STRN3: variants seen among roughly 807,000 people sequenced by gnomAD.
STRN3 encodes the protein striatin 3, also known as striatin-3.
STRN3 carries 29 observed loss-of-function variants against 95.6 expected under a neutral mutation model. That is an observed-to-expected ratio of 0.30 (90% CI 0.23 to 0.41). The LOEUF (loss-of-function observed/expected upper bound fraction) is 0.41. Ranked by LOEUF, STRN3 falls within the 10% of genes least tolerant of loss-of-function variation. The pLI is 1.00. For missense variants in STRN3, 890 were observed against 972.1 expected, an observed-to-expected ratio of 0.92 and a Z score of 1.12; for synonymous variants, 331 against 357.6, an observed-to-expected ratio of 0.93 and a Z score of 0.84.
intron 7 of STRN3, among the ~76,000 whole-genome samples, chr14:30,929,632 A>G (rs1277757091): frequency 1.3e-5 from 2 of 152,126 alleles, no homozygotes; most frequent in Non-Finnish European, 2.9e-5. Flanking sequence ...CTTTATAAAA[A>G]TGTTAATAAA....
intron 10 of STRN3, 33 bp from the exon 11 acceptor site, chr14:30,912,215 A>T (rs777203528): frequency 6.3e-7 from 1 of 1,597,486 alleles, no homozygotes; most frequent in Admixed American, 1.7e-5. Context: ...TTAGTGGTAA[A>T]AGTAGTAAAC....
intron 8 of STRN3, among the ~76,000 whole-genome samples, chr14:30,923,290 T>A (rs1207624248): frequency 2.6e-5 from 4 of 152,166 alleles, no homozygotes; most frequent in Admixed American, 6.5e-5. Context: ...GGATCTGGAA[T>A]AGTAAATGAC....
chr14:30,975,586 GAAAGA>G (rs979938996), intron 1 of STRN3, among the ~76,000 whole-genome samples: 6 of 144,666 alleles, frequency 4.1e-5, no homozygotes, highest in South Asian at 2.3e-4. Flanking sequence ...ACGAAAGAAA[GAAAGA>G]AAAGAAAAGA....
intron 1 of STRN3, among the ~76,000 whole-genome samples, chr14:30,996,865 C>CAA (rs1239205843): frequency 7.8e-6 from 1 of 128,110 alleles, no homozygotes. Context: ...GACTCCATCT[C>CAA]AAAAAAAAAA....
At chr14:31,017,760 G>A (rs139858488) in intron 1 of STRN3, among the ~76,000 whole-genome samples, 47 of 152,152 alleles carry the variant, frequency 3.1e-4, no homozygotes, top group African/African-American at 1.1e-3. Flanking sequence ...GGCAGTGAGT[G>A]TATACACACA....
chr14:30,940,304 G>C (rs1447047126), intron 5 of STRN3, among the ~76,000 whole-genome samples: 2 of 151,696 alleles, frequency 1.3e-5, no homozygotes, highest in Non-Finnish European at 2.9e-5. Context: ...CTTCCTTCTT[G>C]ACTTAGTCTC....
intron 1 of STRN3, among the ~76,000 whole-genome samples, chr14:30,956,479 C>T (rs1879910827): frequency 6.6e-6 from 1 of 152,064 alleles, no homozygotes; most frequent in South Asian, 2.1e-4. Flanking sequence ...ATAGTGAGAC[C>T]TCATCTCTAC....
intron 1 of STRN3, among the ~76,000 whole-genome samples, chr14:31,016,340 A>T (rs1363357486): frequency 1.3e-5 from 2 of 152,176 alleles, no homozygotes; most frequent in Non-Finnish European, 2.9e-5. Context: ...ACTGTAGCAC[A>T]TCCATAAATG....
chr14:30,981,360 C>A (rs1881389402), intron 1 of STRN3, among the ~76,000 whole-genome samples: 1 of 152,024 alleles, frequency 6.6e-6, no homozygotes, highest in African/African-American at 2.4e-5. Context: ...TGTTGGCACC[C>A]ACACCTGTTA....
intron 3 of STRN3, among the ~76,000 whole-genome samples, chr14:30,952,968 A>T (rs1399035935): frequency 6.6e-6 from 1 of 152,178 alleles, no homozygotes; most frequent in Non-Finnish European, 1.5e-5. Flanking sequence ...TACATAATAC[A>T]ACCCCACCCT....
chr14:30,981,988 T>G (rs559562752), intron 1 of STRN3, among the ~76,000 whole-genome samples: 1 of 147,240 alleles, frequency 6.8e-6, no homozygotes, highest in African/African-American at 2.5e-5. Context: ...CCCAGCTACT[T>G]GGGAGGCTGA....
chr14:30,912,201 A>G lies in STRN3; in HGVS notation c.1375-19T>C, dbSNP rs1027590889. On this transcript the variant is annotated intron_variant, in intron 10 of 17. Coordinates refer to ENST00000357479, the MANE Select transcript of STRN3 (RefSeq NM_001083893.2). ...CAGGCAACTAAAAGGAAAGAGCACA[A>G]TATTTAGTGGTAAAAGTAGTAAACT... The G allele has an allele frequency of 1.2e-6, 2 of 1,607,400 alleles. No homozygotes were observed. Among genetic ancestry groups the G allele is most frequent in the Non-Finnish European group, 1.7e-6 (2 of 1,177,214 alleles).
chr14:31,016,222 A>G (rs569656434), intron 1 of STRN3, among the ~76,000 whole-genome samples: 3 of 152,326 alleles, frequency 2.0e-5, no homozygotes, highest in East Asian at 3.9e-4. Flanking sequence ...CTCAAATTAC[A>G]TGAAAACTTA....
chr14:30,902,605 G>T lies in STRN3; in HGVS notation c.2068C>A (p.His690Asn). The T allele has an allele frequency of 6.2e-7, 1 of 1,607,504 alleles. No individual in the cohort carries two copies. Among genetic ancestry groups the T allele is most frequent in the South Asian group, 1.1e-5 (1 of 89,526 alleles). The change falls in exon 16 of 18, where the codon CAT becomes AAT. Residue 690 changes from histidine (H) to asparagine (N), a missense_variant. By Grantham distance (68) the His-to-Asn change is moderately conservative (BLOSUM62 1). Coordinates refer to ENST00000357479, the MANE Select transcript of STRN3 (RefSeq NM_001083893.2). The stretch of plus-strand genomic sequence containing the variant: ...GTTATTGTAACAGGAAGTGTGGGAT[G>T]ACTTACTACTCTGTTGATATGATTA... ...SNNHINRVVS[H>N]PTLPVTITAH...
In STRN3 at chr14:30,919,020, A is replaced by G. The variant is rs1310983853; in HGVS notation, c.1186T>C (p.Ser396Pro). Residue 396 changes from serine (S) to proline (P), a missense_variant, in exon 9 of 18, where the codon TCT becomes CCT. Around this residue, in one of 3 missense-constraint regions of STRN3, gnomAD observed 526 missense variants for 526.3 expected, o/e 1.00. Coordinates refer to ENST00000357479, the MANE Select transcript of STRN3 (RefSeq NM_001083893.2). ...GTCATTCTAGTAGAGGCTGACCTAG[A>G]CTGATTAATGATTCCTGAAGGGATG... ...PHIPSGIINQ[S>P]RSASTRMTDH... 6.2e-7 allele frequency: 1 copy of G among 1,612,358 alleles called. No individual in the cohort carries two copies. The highest frequency in any genetic ancestry group is 2.2e-5 in the East Asian group (1 of 44,772).
Position 31,018,547 on chromosome 14 carries a change from A to C in STRN3, c.282+7357T>G, listed in dbSNP as rs1352342563. 1.6e-5 allele frequency: 7 copies of C among 448,834 alleles called. No individual in the cohort carries two copies. The East Asian group carries it at 4.8e-4, about 31-fold the overall frequency. 27.8% of individuals were successfully genotyped at this position (448,834 alleles called of 1,614,324 possible). On this transcript the variant is annotated intron_variant, in intron 1 of 17. Coordinates refer to ENST00000357479, the MANE Select transcript of STRN3 (RefSeq NM_001083893.2). ...CTATGGTAAAGGACATCCTGGCTGAAGAGGGACTGCACTTTGATGAGTTGA... is the reference window on the plus strand; with the variant it reads ...CTATGGTAAAGGACATCCTGGCTGACGAGGGACTGCACTTTGATGAGTTGA...
At chr14:31,007,805 T>C (rs114664450) in intron 1 of STRN3, among the ~76,000 whole-genome samples, 267 of 151,974 alleles carry the variant, frequency 1.8e-3, no homozygotes, top group African/African-American at 6.0e-3. Context: ...ATGGGGAGGA[T>C]TGCTTGAGCC....
Position 30,893,817 on chromosome 14 carries a change from T to TTA in STRN3, c.*1592_*1593dup, listed in dbSNP as rs1896057285. On this transcript the variant is annotated 3_prime_UTR_variant, in exon 18 of 18. Coordinates refer to ENST00000357479, the MANE Select transcript of STRN3 (RefSeq NM_001083893.2). ...CACTAAGAAATCTCCATTTCCTAGT[T>TTA]TAATTATGGAGAATAAAGTATTGCA... is the stretch of plus-strand genomic sequence containing the variant. The TTA allele has an allele frequency of 6.6e-6, 1 of 152,566 alleles. No individual in the cohort carries two copies. Among genetic ancestry groups the TTA allele is most frequent in the Non-Finnish European group, 1.5e-5 (1 of 68,016 alleles). 9.5% of individuals were successfully genotyped at this position (152,566 alleles called of 1,614,324 possible).
Position 30,912,149 on chromosome 14 carries a change from A to G in STRN3, c.1408T>C (p.Trp470Arg), listed in dbSNP as rs761859653. Residue 470 changes from tryptophan to arginine, a missense_variant, in exon 11 of 18, where the codon TGG becomes CGG. By Grantham distance (101) the Trp-to-Arg change is moderately radical (BLOSUM62 -3). Around this residue, in one of 3 missense-constraint regions of STRN3, gnomAD observed 357 missense variants for 422.8 expected, o/e 0.84. Transcript: ENST00000357479. ...CTACGTAGTGTATACTTGGGATTCC[A>G]TGTCTTTCGAAAGGCATCTTTATTA... ...PANKDAFRKTWNPKYTLRSHF... is the reference protein window; with the variant it reads ...PANKDAFRKTRNPKYTLRSHF... The G allele has an allele frequency of 4.2e-5, 67 of 1,610,478 alleles. No individual in the cohort carries two copies. The highest frequency in any genetic ancestry group is 3.4e-5 in the Admixed American group (2 of 59,072).
Sources: gnomAD v4.1 joint callset for allele counts (sites outside exome capture counted in the v4.1 genomes callset) on GRCh38, gnomAD v4.1.1 for gene constraint, gnomAD v4.1.1 regional missense constraint, MANE v1.5 for transcripts, NCBI Gene and HGNC (gene_info 2026-07-23, HGNC 2026-07-21) for gene names.